CEP112: variants seen among roughly 807,000 people sequenced by gnomAD.
The protein encoded by CEP112 is centrosomal protein of 112 kDa.
CEP112 carries 127 observed loss-of-function variants against 153.0 expected under a neutral mutation model. The observed-to-expected ratio is 0.83, with a 90% CI of 0.72 to 0.96. The LOEUF (loss-of-function observed/expected upper bound fraction) is 0.96. Ranked by LOEUF, CEP112 falls within the 40% of genes least tolerant of loss-of-function variation. The pLI, the probability that CEP112 is intolerant of heterozygous loss-of-function variation, is 0.00. For synonymous variants in CEP112, 358 were observed against 374.4 expected (o/e 0.96, Z 0.51); for missense variants, 1,089 against 1,101.2 (o/e 0.99, Z 0.16).
chr17:65,887,919 G>A (rs1394792382), intron 20 of CEP112, among the ~76,000 whole-genome samples: 2 of 152,088 alleles, frequency 1.3e-5, no homozygotes, highest in Non-Finnish European at 2.9e-5. Context: ...CTAACACTGG[G>A]GACAATTTCA....
chr17:65,668,535 C>A (rs1049382630), intron 24 of CEP112, among the ~76,000 whole-genome samples: 2 of 152,034 alleles, frequency 1.3e-5, no homozygotes, highest in Non-Finnish European at 2.9e-5. Flanking sequence ...AATTCATAAC[C>A]GCGAGGGCAG....
In CEP112 at chr17:66,077,031, C is replaced by T. The variant is rs144914541; in HGVS notation, c.769-7030G>A. 2.2e-4 allele frequency among the ~76,000 whole-genome samples: 34 copies of T among 152,210 alleles called. 1 individual carries two copies. In the East Asian group the frequency reaches 5.8e-3, roughly 26 times the overall value. On this transcript the variant is annotated intron_variant, in intron 8 of 26. Coordinates refer to ENST00000535342, the MANE Select transcript of CEP112 (RefSeq NM_001199165.4). ...AGAATACTACATCAAGGGAATACCC[C>T]GTGGGAAAAAAGAATCTGAACAACA...
chr17:66,004,440 G>A (rs569062699), intron 17 of CEP112, among the ~76,000 whole-genome samples: 56 of 152,082 alleles, frequency 3.7e-4, no homozygotes, highest in Non-Finnish European at 5.3e-4. Context: ...GCAGTGAGCC[G>A]AGATCGCACC....
intron 2 of CEP112, among the ~76,000 whole-genome samples, chr17:66,182,772 T>TA (rs1223324285): frequency 3.9e-5 from 6 of 152,170 alleles, no homozygotes; most frequent in South Asian, 2.1e-4. Flanking sequence ...CAAATAAGCA[T>TA]AAAAAACCAA....
At chr17:66,176,745 A>G in intron 3 of CEP112, 85 bp downstream of exon 3, 1 of 1,006,062 alleles carries the variant, frequency 9.9e-7, no homozygotes, top group Admixed American at 2.6e-5. Context: ...ACAACCTAAT[A>G]GTATTACCAT....
intron 22 of CEP112, among the ~76,000 whole-genome samples, chr17:65,745,730 ATATCCACAAC>A (rs1313676214): frequency 5.3e-5 from 8 of 152,184 alleles, no homozygotes; most frequent in Admixed American, 1.3e-4. Context: ...ATAGATTCAT[ATATCCACAAC>A]TGCAGTCATG....
At chr17:65,982,484 T>C (rs138703840) in intron 17 of CEP112, among the ~76,000 whole-genome samples, 317 of 152,352 alleles carry the variant, frequency 2.1e-3, no homozygotes, top group Non-Finnish European at 3.8e-3. Flanking sequence ...AACTGATGGT[T>C]TGAATTCTTG....
intron 20 of CEP112, among the ~76,000 whole-genome samples, chr17:65,856,742 C>A (rs2058133537): frequency 6.6e-6 from 1 of 152,070 alleles, no homozygotes; most frequent in South Asian, 2.1e-4. Context: ...AAAAAATGAG[C>A]AAAAATGTTA....
intron 24 of CEP112, among the ~76,000 whole-genome samples, chr17:65,679,171 T>TTTTTTTTTTTTC (rs1567852451): frequency 9.5e-6 from 1 of 105,268 alleles, no homozygotes; most frequent in Non-Finnish European, 1.8e-5. Flanking sequence ...TTTTTTTTTT[T>TTTTTTTTTTTTC]CAGAAAACAG....
chr17:66,129,667 C>A, intron 6 of CEP112, 79 bp downstream of exon 6: 1 of 1,023,128 alleles, frequency 9.8e-7, no homozygotes, highest in South Asian at 1.6e-5. Flanking sequence ...TGAATAAAAT[C>A]AAATTAGTTC....
intron 21 of CEP112, among the ~76,000 whole-genome samples, chr17:65,838,634 T>C (rs186184889): frequency 6.6e-6 from 1 of 151,842 alleles, no homozygotes; most frequent in East Asian, 1.9e-4. Flanking sequence ...ATTTGTAGAA[T>C]AAATGAAATT....
chr17:65,655,229 A>T, intron 24 of CEP112: 1 of 868,518 alleles, frequency 1.2e-6, no homozygotes, highest in Non-Finnish European at 2.0e-6. Context: ...AACACTTTTG[A>T]AGTCATCCCG....
intron 17 of CEP112, among the ~76,000 whole-genome samples, chr17:65,978,199 T>C (rs1439516008): frequency 6.6e-6 from 1 of 152,074 alleles, no homozygotes; most frequent in Non-Finnish European, 1.5e-5. Context: ...GAGGCTGCAG[T>C]GGGCTATGAT....
chr17:65,933,917 G>A (rs113169033), intron 18 of CEP112, among the ~76,000 whole-genome samples: 1 of 152,288 alleles, frequency 6.6e-6, no homozygotes, highest in African/African-American at 2.4e-5. Context: ...GGCCAGGTGT[G>A]GTGACTCATG....
chr17:65,682,160 A>G (rs559632116), intron 24 of CEP112, among the ~76,000 whole-genome samples: 11 of 149,270 alleles, frequency 7.4e-5, no homozygotes, highest in African/African-American at 2.5e-4. Context: ...CGCCCAGCTA[A>G]TTTTTGTATT....
intron 23 of CEP112, among the ~76,000 whole-genome samples, chr17:65,695,604 A>C (rs780852096): frequency 4.5e-4 from 68 of 152,232 alleles, no homozygotes; most frequent in Non-Finnish European, 9.3e-4. Flanking sequence ...AGTTCATTTC[A>C]ATTATAAAGT....
chr17:65,700,561 G>T (rs1489336550), intron 23 of CEP112, among the ~76,000 whole-genome samples: 1 of 152,148 alleles, frequency 6.6e-6, no homozygotes, highest in Non-Finnish European at 1.5e-5. Context: ...CTACACCGAA[G>T]GCATGGCCAA....
intron 11 of CEP112, among the ~76,000 whole-genome samples, chr17:66,056,712 A>G (rs2083792): frequency 0.41 from 62,302 of 151,864 alleles, 14,214 homozygotes; most frequent in East Asian, 0.87. Flanking sequence ...CAGTAGATTG[A>G]TGGTTGAAGA....
At chr17:65,884,056 A>G (rs1430879323) in intron 20 of CEP112, among the ~76,000 whole-genome samples, 1 of 152,196 alleles carries the variant, frequency 6.6e-6, no homozygotes, top group Non-Finnish European at 1.5e-5. Flanking sequence ...AGATGTCAAG[A>G]GCACAGAACA....
Sources: allele counts gnomAD v4.1 joint callset (sites outside exome capture counted in the v4.1 genomes callset), GRCh38; gene constraint gnomAD v4.1.1; transcripts MANE v1.5; gene names NCBI Gene and HGNC (gene_info 2026-07-23, HGNC 2026-07-21).